Variants in ENPP4 observed in about 807,000 individuals in gnomAD.
The protein encoded by ENPP4 is ectonucleotide pyrophosphatase/phosphodiesterase 4.
Under a neutral mutation model 33.4 loss-of-function variants are expected in ENPP4, and 18 were observed. The observed-to-expected ratio is 0.54, with a 90% CI of 0.37 to 0.80. ENPP4 has a LOEUF of 0.80. ENPP4 is among the 30% of genes least tolerant of loss of function. The probability of loss-of-function intolerance (pLI) is 0.00; values close to 1 mark genes in which losing one functional copy is unlikely to be tolerated. For missense variants in ENPP4, 480 were observed against 541.7 expected (o/e 0.89, Z 1.13); for synonymous variants, 172 against 189.9 (o/e 0.91, Z 0.78).
chr6:46,136,018 A>G (rs1763968955), intron 1 of ENPP4, among the ~76,000 whole-genome samples: 1 of 152,006 alleles, frequency 6.6e-6, no homozygotes, highest in East Asian at 1.9e-4. Flanking sequence ...CTTAGCTTTT[A>G]AAATAATACA....
In ENPP4 at chr6:46,145,048, A is replaced by C. The variant is rs940779970; in HGVS notation, c.*1408A>C. ...TAGTAGGGGAAAAATTGGGCTCAAG[A>C]ACCATTCATCAGTACGTGAGACAAG... is the stretch of plus-strand genomic sequence containing the variant. On this transcript the variant is annotated 3_prime_UTR_variant, in exon 4 of 4. Coordinates refer to ENST00000321037, the MANE Select transcript of ENPP4 (RefSeq NM_014936.5). 2 of 395,368 alleles carry C rather than the reference A, an allele frequency of 5.1e-6. No homozygotes were observed. The highest frequency in any genetic ancestry group is 8.9e-6 in the Non-Finnish European group (2 of 223,602). The allele number at this position is 395,368 out of a possible 1,614,324, so 24.5% of individuals were successfully genotyped here.
intron 1 of ENPP4, among the ~76,000 whole-genome samples, chr6:46,138,738 A>C (rs1764012352): frequency 6.6e-6 from 1 of 152,022 alleles, no homozygotes; most frequent in South Asian, 2.1e-4. Flanking sequence ...GAGCAAAGGC[A>C]GGGAGATTTA....
chr6:46,130,901 T>C (rs1272693329), intron 1 of ENPP4, among the ~76,000 whole-genome samples: 3 of 152,326 alleles, frequency 2.0e-5, no homozygotes, highest in African/African-American at 7.2e-5. Flanking sequence ...CAGAAGGGCT[T>C]TGCTTAATCA....
rs1764122558 is a variant in ENPP4, at chr6:46,144,957, A to T, written c.*1317A>T. The T allele has an allele frequency of 2.5e-6, 1 of 396,406 alleles. No individual in the cohort carries two copies. Among genetic ancestry groups the T allele is most frequent in the Non-Finnish European group, 4.5e-6 (1 of 224,538 alleles). The allele number at this position is 396,406 out of a possible 1,614,324, so 24.6% of individuals were successfully genotyped here. A position where few individuals can be genotyped will look rare whatever the true frequency, so the allele number is the denominator to read the frequency against. ...GAAGAACTGTCATCCTGCCTTTGCT[A>T]GCTGGTACCTTCTAGTAATCAAAAT... On this transcript the variant is annotated 3_prime_UTR_variant, in exon 4 of 4. Coordinates refer to ENST00000321037, the MANE Select transcript of ENPP4 (RefSeq NM_014936.5).
intron 3 of ENPP4, among the ~76,000 whole-genome samples, chr6:46,141,824 A>T (rs968338502): frequency 1.7e-4 from 26 of 151,678 alleles, no homozygotes; most frequent in Admixed American, 1.3e-3. Context: ...TGCTTTTTTT[A>T]AAATCTAATT....
intron 1 of ENPP4, among the ~76,000 whole-genome samples, chr6:46,134,836 C>A (rs1247210479): frequency 6.6e-6 from 1 of 151,850 alleles, no homozygotes; most frequent in African/African-American, 2.4e-5. Flanking sequence ...TACTTACTGG[C>A]ATTTATTACC....
Position 46,132,476 on chromosome 6 carries a change from G to A in ENPP4, c.-34+2287G>A, listed in dbSNP as rs981619357. On this transcript the variant is annotated intron_variant, in intron 1 of 3. Transcript: ENST00000321037. ...GATTAGATAGTTGTAGATATGCGGCGTTATTTCTGAGGGCTCTGTTCTGTT... is the reference window on the plus strand; with the variant it reads ...GATTAGATAGTTGTAGATATGCGGCATTATTTCTGAGGGCTCTGTTCTGTT... Among the ~76,000 whole-genome samples, 36 of 152,146 alleles carry A rather than the reference G, an allele frequency of 2.4e-4. No homozygotes were observed. The East Asian group carries it at 2.5e-3, about 11-fold the overall frequency.
At chr6:46,143,072 G>A (rs1562061253) in intron 3 of ENPP4, among the ~76,000 whole-genome samples, 1 of 147,842 alleles carries the variant, frequency 6.8e-6, no homozygotes, top group Non-Finnish European at 1.5e-5. Context: ...GACCAGTTGG[G>A]AAAAGGGGCA....
chr6:46,138,755 A>C (rs1581955195), intron 1 of ENPP4, among the ~76,000 whole-genome samples: 1 of 151,926 alleles, frequency 6.6e-6, no homozygotes, highest in South Asian at 2.1e-4. Flanking sequence ...TTTATTAGGG[A>C]AAAGCTGTTT....
In ENPP4 at chr6:46,146,486, G is replaced by A. The variant is rs897648794; in HGVS notation, c.*2846G>A. On this transcript the variant is annotated 3_prime_UTR_variant, in exon 4 of 4. Transcript: ENST00000321037. ...AGGACAAGGAGGAGATGGAAAATGT[G>A]TATTTATTGTTAATTCTTAAAATAG... The A allele has an allele frequency of 3.3e-5, 5 of 152,266 alleles. No individual in the cohort carries two copies. The highest frequency in any genetic ancestry group is 7.2e-5 in the African/African-American group (3 of 41,394). The allele number at this position is 152,266 out of a possible 1,614,324, so 9.4% of individuals were successfully genotyped here. A position where few individuals can be genotyped will look rare whatever the true frequency, so the allele number is the denominator to read the frequency against.
At position 46,145,889 on chromosome 6, in the gene ENPP4, T is replaced by G. The variant is rs1010696321; in HGVS notation, c.*2249T>G. 1 of 151,966 alleles carries G rather than the reference T, an allele frequency of 6.6e-6. No homozygotes were observed. Among genetic ancestry groups the G allele is most frequent in the Non-Finnish European group, 1.5e-5 (1 of 67,882 alleles). The allele number at this position is 151,966 out of a possible 1,614,324, so 9.4% of individuals were successfully genotyped here. ...AACATATATTATATTGAACTATGTG[T>G]TAATTCATTTGTATCTTTTAAAAAA... is the stretch of plus-strand genomic sequence containing the variant. On this transcript the variant is annotated 3_prime_UTR_variant, in exon 4 of 4. Coordinates refer to ENST00000321037, the MANE Select transcript of ENPP4 (RefSeq NM_014936.5).
intron 1 of ENPP4, among the ~76,000 whole-genome samples, chr6:46,131,245 G>T (rs1340196637): frequency 6.6e-6 from 1 of 151,978 alleles, no homozygotes; most frequent in Non-Finnish European, 1.5e-5. Flanking sequence ...TGCCATGCTG[G>T]TGCGCTGCAC....
intron 3 of ENPP4, among the ~76,000 whole-genome samples, chr6:46,142,398 TA>T (rs1031764213): frequency 3.7e-4 from 52 of 142,326 alleles, no homozygotes; most frequent in Non-Finnish European, 7.3e-4. Flanking sequence ...ATATAATATA[TA>T]ATTACATATA....
intron 1 of ENPP4, among the ~76,000 whole-genome samples, chr6:46,137,901 C>T (rs968050566): frequency 4.0e-5 from 6 of 151,164 alleles, no homozygotes; most frequent in Admixed American, 2.6e-4. Flanking sequence ...AGTATTTGAC[C>T]ACAAGTACGC....
At chr6:46,143,240 G>T (rs781340152) in intron 3 of ENPP4, 36 bp from the exon 4 acceptor site, 36 of 1,520,302 alleles carry the variant, frequency 2.4e-5, no homozygotes, top group Non-Finnish European at 3.0e-5. Context: ...TAAAAAGTCT[G>T]ATCTTATTGA....
Position 46,146,347 on chromosome 6 carries a change from T to C in ENPP4, c.*2707T>C, listed in dbSNP as rs1764139969. On this transcript the variant is annotated 3_prime_UTR_variant, in exon 4 of 4. Coordinates refer to ENST00000321037, the MANE Select transcript of ENPP4 (RefSeq NM_014936.5). ...AAAGGATTAAAATGTTTTTACATTG[T>C]TTTTGGGTGTCTCCTTCTTGTGCCC... 1 of 152,280 alleles carries C rather than the reference T, an allele frequency of 6.6e-6. No homozygotes were observed. Among genetic ancestry groups the C allele is most frequent in the Non-Finnish European group, 1.5e-5 (1 of 67,824 alleles). The allele number at this position is 152,280 out of a possible 1,614,324, so 9.4% of individuals were successfully genotyped here.
chr6:46,131,610 A>G lies in ENPP4; in HGVS notation c.-34+1421A>G, dbSNP rs185492510. ...CTTTGCTATTGTGAATAATGCTGCA[A>G]TGAACATATGTGTGCATGTGTCTTT... On this transcript the variant is annotated intron_variant, in intron 1 of 3. Transcript: ENST00000321037. 1.4e-4 allele frequency among the ~76,000 whole-genome samples: 21 copies of G among 152,318 alleles called. No individual in the cohort carries two copies. The East Asian group carries it at 2.7e-3, about 20-fold the overall frequency.
intron 1 of ENPP4, among the ~76,000 whole-genome samples, chr6:46,138,249 T>C (rs1316425264): frequency 2.0e-5 from 3 of 151,898 alleles, no homozygotes; most frequent in African/African-American, 7.2e-5. Flanking sequence ...TCAGCTTAGA[T>C]GCTGCAGCCC....
In ENPP4 at chr6:46,143,349, CA is replaced by C; in HGVS notation, c.1074del (p.Gly359AlafsTer15). 1.9e-6 allele frequency: 3 copies of C among 1,611,244 alleles called. No individual in the cohort carries two copies. Among genetic ancestry groups the C allele is most frequent in the Non-Finnish European group, 1.7e-6 (2 of 1,177,958 alleles). On this transcript the variant is annotated frameshift_variant, in exon 4 of 4. Transcript: ENST00000321037. LOFTEE classifies it high-confidence loss of function. ...FLAAHGPAFH[K>X]GYKHSTINIV... is the part of the protein sequence containing the mutation. ...TAGCTGCCCACGGACCTGCATTTCA[CA>C]AAGGCTACAAGCATAGCACAATTAA...
Sources: allele counts gnomAD v4.1 joint callset (sites outside exome capture counted in the v4.1 genomes callset), GRCh38; gene constraint gnomAD v4.1.1; transcripts MANE v1.5; gene names NCBI Gene and HGNC (gene_info 2026-07-23, HGNC 2026-07-21).